SESTD1: variants seen among roughly 807,000 people sequenced by gnomAD.
SESTD1 encodes SEC14 domain and spectrin repeat-containing protein 1.
SESTD1 carries 43 observed loss-of-function variants against 101.7 expected under a neutral mutation model. The ratio of observed to expected loss-of-function variants is 0.42; its 90% CI spans 0.33 to 0.55. The LOEUF is 0.55. Among genes scored for constraint, SESTD1 ranks in the 20% least tolerant of loss-of-function variants. The pLI, the probability that SESTD1 is intolerant of heterozygous loss-of-function variation, is 0.07. For missense variants in SESTD1, 647 were observed against 815.1 expected, an observed-to-expected ratio of 0.79 and a Z score of 2.51; for synonymous variants, 283 against 286.8, an observed-to-expected ratio of 0.99 and a Z score of 0.13.
chr2:179,121,662 CTA>C (rs909019845), intron 13 of SESTD1, 106 bp downstream of exon 13: 2 of 879,964 alleles, frequency 2.3e-6, no homozygotes, highest in African/African-American at 1.8e-5. Context: ...TACATGTCTT[CTA>C]TATAACAGTT....
At chr2:179,192,780 G>A (rs1223858011) in intron 1 of SESTD1, among the ~76,000 whole-genome samples, 2 of 152,128 alleles carry the variant, frequency 1.3e-5, no homozygotes, top group Non-Finnish European at 2.9e-5. Flanking sequence ...CAACAAAAAT[G>A]AACAAAATCA....
intron 5 of SESTD1, among the ~76,000 whole-genome samples, chr2:179,154,874 T>C (rs550155207): frequency 6.6e-6 from 1 of 152,314 alleles, no homozygotes; most frequent in African/African-American, 2.4e-5. Context: ...GACTGTATAT[T>C]AGTGCATAAG....
At chr2:179,200,208 T>G (rs2046483652) in intron 1 of SESTD1, among the ~76,000 whole-genome samples, 1 of 151,930 alleles carries the variant, frequency 6.6e-6, no homozygotes, top group Admixed American at 6.6e-5. Flanking sequence ...GGAATCCAAC[T>G]TACAAGGGAT....
intron 2 of SESTD1, among the ~76,000 whole-genome samples, chr2:179,183,650 G>T (rs2046157225): frequency 6.6e-6 from 1 of 152,044 alleles, no homozygotes; most frequent in Non-Finnish European, 1.5e-5. Context: ...TGCAGTAAAT[G>T]TGAAAAGTTT....
intron 12 of SESTD1, 90 bp downstream of exon 12, chr2:179,123,625 T>C: frequency 1.3e-6 from 1 of 771,384 alleles, no homozygotes; most frequent in Non-Finnish European, 2.1e-6. Context: ...ACTAATTAGT[T>C]CAGTGTAAGT....
chr2:179,243,432 G>A (rs1254070796), intron 1 of SESTD1, among the ~76,000 whole-genome samples: 2 of 152,020 alleles, frequency 1.3e-5, no homozygotes, highest in African/African-American at 2.4e-5. Flanking sequence ...AAAATAAATT[G>A]TTCTACCAAA....
chr2:179,230,113 C>CTTT lies in SESTD1; in HGVS notation c.-26+34383_-26+34385dup, dbSNP rs71023474. On this transcript the variant is annotated intron_variant, in intron 1 of 17. Transcript: ENST00000428443. Reference sequence around the variant, plus strand: ...AAATATTCCAAACTGGATTGTATCTCTTTTTTTTTTTTTTTTTTTTTTTTT... The same window carrying CTTT: ...AAATATTCCAAACTGGATTGTATCTCTTTTTTTTTTTTTTTTTTTTTTTTTTTT... Among the ~76,000 whole-genome samples, 152 of 56,414 alleles carry CTTT rather than the reference C, an allele frequency of 2.7e-3. 47 individuals are homozygous for CTTT. The highest frequency in any genetic ancestry group is 0.015 in the East Asian group (17 of 1,136). 37.0% of individuals were successfully genotyped at this position (56,414 alleles called of 152,430 possible).
chr2:179,209,908 G>T lies in SESTD1; in HGVS notation c.-25-18042C>A, dbSNP rs897235307. On this transcript the variant is annotated intron_variant, in intron 1 of 17. Coordinates refer to ENST00000428443, the MANE Select transcript of SESTD1 (RefSeq NM_178123.5). ...GAAACAACAACAAAAAAAGATAAATGAAAAAAAAGCTGGTTCTTTGAAGAG... is the reference window on the plus strand; with the variant it reads ...GAAACAACAACAAAAAAAGATAAATTAAAAAAAAGCTGGTTCTTTGAAGAG... Among the ~76,000 whole-genome samples the T allele has an allele frequency of 2.3e-5, 3 of 132,214 alleles. 1 individual carries two copies. Among genetic ancestry groups the T allele is most frequent in the African/African-American group, 8.9e-5 (3 of 33,566 alleles). 86.7% of individuals were successfully genotyped at this position (132,214 alleles called of 152,430 possible). A position where few individuals can be genotyped will look rare whatever the true frequency, so the allele number is the denominator to read the frequency against.
chr2:179,172,570 T>C (rs906264036), intron 4 of SESTD1, among the ~76,000 whole-genome samples: 1 of 152,202 alleles, frequency 6.6e-6, no homozygotes, highest in Non-Finnish European at 1.5e-5. Flanking sequence ...TTGATTTTTC[T>C]ACAGTATGAA....
At chr2:179,116,840 T>C (rs1183902051) in intron 14 of SESTD1, 50 bp from the exon 15 acceptor site, 1 of 1,590,142 alleles carries the variant, frequency 6.3e-7, no homozygotes, top group Non-Finnish European at 8.6e-7. Flanking sequence ...TCTTTACTTA[T>C]TGTATCAAAA....
In SESTD1 at chr2:179,255,234, T is replaced by C. The variant is rs1317677765; in HGVS notation, c.-26+9265A>G. Reference sequence around the variant, plus strand: ...AAAGGAGGAGTCACATTTCTCACTTTAAATGAAAAGCTAGAAATGATTAAG... The same window carrying C: ...AAAGGAGGAGTCACATTTCTCACTTCAAATGAAAAGCTAGAAATGATTAAG... On this transcript the variant is annotated intron_variant, in intron 1 of 17. Coordinates refer to ENST00000428443, the MANE Select transcript of SESTD1 (RefSeq NM_178123.5). Among the ~76,000 whole-genome samples the C allele has an allele frequency of 3.3e-5, 5 of 152,308 alleles. No individual in the cohort carries two copies. In the East Asian group the frequency reaches 9.6e-4, roughly 29 times the overall value.
In SESTD1 at chr2:179,103,564, A is replaced by G. The variant is rs773641436; in HGVS notation, c.*6335T>C. ...CTATCAATAATAGGAAATTAAGAAA[A>G]CAAACTGTAATATTGTCATACAGTG... On this transcript the variant is annotated 3_prime_UTR_variant, in exon 18 of 18. Coordinates refer to ENST00000428443, the MANE Select transcript of SESTD1 (RefSeq NM_178123.5). 9 of 152,180 alleles carry G rather than the reference A, an allele frequency of 5.9e-5. No homozygotes were observed. Among genetic ancestry groups the G allele is most frequent in the Non-Finnish European group, 1.2e-4 (8 of 68,028 alleles). The allele number at this position is 152,180 out of a possible 1,614,324, so 9.4% of individuals were successfully genotyped here. A position where few individuals can be genotyped will look rare whatever the true frequency, so the allele number is the denominator to read the frequency against.
At chr2:179,213,259 T>TA (rs2046674947) in intron 1 of SESTD1, among the ~76,000 whole-genome samples, 1 of 134,694 alleles carries the variant, frequency 7.4e-6, no homozygotes. Context: ...GAAAAAACGT[T>TA]AGACAAATGG....
intron 2 of SESTD1, among the ~76,000 whole-genome samples, chr2:179,190,258 C>A (rs985173442): frequency 6.6e-6 from 1 of 152,016 alleles, no homozygotes; most frequent in Non-Finnish European, 1.5e-5. Flanking sequence ...ATACCTATAG[C>A]CTTCTGATCT....
At chr2:179,197,073 A>C (rs1010065283) in intron 1 of SESTD1, among the ~76,000 whole-genome samples, 2 of 152,164 alleles carry the variant, frequency 1.3e-5, no homozygotes, top group South Asian at 2.1e-4. Context: ...AAAATTTAGA[A>C]GAATGTATAA....
intron 1 of SESTD1, among the ~76,000 whole-genome samples, chr2:179,205,640 T>TA (rs1279475809): frequency 7.4e-6 from 1 of 135,158 alleles, no homozygotes; most frequent in Admixed American, 7.2e-5. Context: ...TGCTGGGTTT[T>TA]AAAAAAATTA....
intron 1 of SESTD1, among the ~76,000 whole-genome samples, chr2:179,194,751 T>G (rs1345280946): frequency 6.6e-6 from 1 of 152,106 alleles, no homozygotes; most frequent in African/African-American, 2.4e-5. Context: ...TATGCCAAAC[T>G]AAGGGAAATA....
At chr2:179,176,204 T>G (rs1178562252) in intron 4 of SESTD1, among the ~76,000 whole-genome samples, 1 of 152,200 alleles carries the variant, frequency 6.6e-6, no homozygotes, top group East Asian at 1.9e-4. Context: ...CTTAAATTAC[T>G]TAAACATGAC....
Position 179,109,546 on chromosome 2 carries a change from C to CTT in SESTD1, c.*351_*352dup. On this transcript the variant is annotated 3_prime_UTR_variant, in exon 18 of 18. Transcript: ENST00000428443. ...TAAATCACCTGTGGAGGAAGGGCAACTTTTTTTTTTCTTTTTAATAGAGAG... is the reference window on the plus strand; with the variant it reads ...TAAATCACCTGTGGAGGAAGGGCAACTTTTTTTTTTTTCTTTTTAATAGAGAG... The CTT allele has an allele frequency of 1.4e-5, 5 of 361,226 alleles. No homozygotes were observed. The highest frequency in any genetic ancestry group is 2.5e-5 in the Non-Finnish European group (5 of 202,598). The allele number at this position is 361,226 out of a possible 1,614,324, so 22.4% of individuals were successfully genotyped here.
Sources: allele counts gnomAD v4.1 joint callset (sites outside exome capture counted in the v4.1 genomes callset), GRCh38; gene constraint gnomAD v4.1.1; transcripts MANE v1.5; gene names NCBI Gene and HGNC (gene_info 2026-07-23, HGNC 2026-07-21).